Variants in STK31 observed in about 807,000 individuals in gnomAD.
STK31 encodes serine/threonine kinase 31, also known as serine/threonine-protein kinase 31.
A neutral mutation model predicts 129.7 loss-of-function variants in STK31; 89 were observed. That is an observed-to-expected ratio of 0.69 (90% confidence interval 0.58 to 0.82). The LOEUF is 0.82. Among genes scored for constraint, STK31 ranks in the 40% least tolerant of loss-of-function variants. The probability of loss-of-function intolerance (pLI) is 0.00; values close to 1 mark genes in which losing one functional copy is unlikely to be tolerated. For missense variants in STK31, 1,187 were observed against 1,176.4 expected (o/e 1.01, Z -0.13); for synonymous variants, 448 against 395.3 (o/e 1.13, Z -1.58).
rs540162320 is a variant in STK31, at chr7:23,762,630, A to G, written c.1294-171A>G. On this transcript the variant is annotated intron_variant, in intron 10 of 23. Coordinates refer to ENST00000355870, the MANE Select transcript of STK31 (RefSeq NM_031414.5). ...AACTTAAATGTTTTATTTTTAATTA[A>G]GAGAAAGGAAGTTTTTTTGTCATTT... 2.3e-3 allele frequency among the ~76,000 whole-genome samples: 353 copies of G among 152,338 alleles called. 2 individuals are homozygous for G. Among genetic ancestry groups the G allele is most frequent in the African/African-American group, 8.2e-3 (341 of 41,578 alleles).
chr7:23,817,977 A>C (rs78603705), intron 23 of STK31, among the ~76,000 whole-genome samples: 10 of 151,308 alleles, frequency 6.6e-5, no homozygotes, highest in Admixed American at 1.3e-4. Context: ...CTTACTTTCT[A>C]ATCTTTATTA....
chr7:23,760,597 AAACAGG>A (rs1403031579), intron 10 of STK31, among the ~76,000 whole-genome samples: 1 of 152,194 alleles, frequency 6.6e-6, no homozygotes, highest in Non-Finnish European at 1.5e-5. Context: ...ATAAGTGAGG[AAACAGG>A]CTTACAAGGG....
At chr7:23,738,583 A>T (rs1787860187) in intron 8 of STK31, among the ~76,000 whole-genome samples, 2 of 150,472 alleles carry the variant, frequency 1.3e-5, no homozygotes, top group South Asian at 2.1e-4. Flanking sequence ...TTTTTTTTTT[A>T]AACTCAAACT....
intron 23 of STK31, among the ~76,000 whole-genome samples, chr7:23,822,411 A>G (rs1489721784): frequency 6.6e-6 from 1 of 151,936 alleles, no homozygotes; most frequent in East Asian, 1.9e-4. Context: ...AAATGGGATT[A>G]CTTTCTTGAT....
In STK31 at chr7:23,772,283, G is replaced by A. The variant is rs536658991; in HGVS notation, c.1965+5G>A. The A allele has an allele frequency of 1.1e-5, 17 of 1,599,096 alleles. No individual in the cohort carries two copies. The African/African-American group carries it at 2.0e-4, about 19-fold the overall frequency. ...GAAAAGAGTAATTTGGAAGAGGTAA[G>A]GAAACAGTTGTTTCTTACTGATCTT... On this transcript the variant is annotated splice_donor_5th_base_variant and intron_variant, in intron 15 of 23. Coordinates refer to ENST00000355870, the MANE Select transcript of STK31 (RefSeq NM_031414.5).
intron 11 of STK31, among the ~76,000 whole-genome samples, chr7:23,764,801 T>C (rs552353820): frequency 6.6e-6 from 1 of 152,244 alleles, no homozygotes; most frequent in South Asian, 2.1e-4. Flanking sequence ...TTCATGATTG[T>C]AATGTATTTA....
intron 22 of STK31, among the ~76,000 whole-genome samples, chr7:23,809,542 A>G (rs1026774755): frequency 5.9e-5 from 9 of 152,158 alleles, no homozygotes; most frequent in African/African-American, 1.9e-4. Flanking sequence ...AATCTGCGCA[A>G]AGTCCCACTG....
Position 23,771,035 on chromosome 7 carries a change from T to C in STK31, c.1744T>C (p.Ser582Pro). The C allele has an allele frequency of 1.2e-6, 2 of 1,612,288 alleles. No individual in the cohort carries two copies. Among genetic ancestry groups the C allele is most frequent in the Admixed American group, 1.7e-5 (1 of 59,772 alleles). The change falls in exon 14 of 24, where the codon TCA becomes CCA. Residue 582 changes from serine to proline, a missense_variant. Physicochemically the swap from Ser to Pro is moderately conservative, Grantham distance 74. Around this residue, in one of 5 missense-constraint regions of STK31, gnomAD observed 975 missense variants for 934.9 expected, o/e 1.04. Transcript: ENST00000355870. ...AGGTGATGCAGACAAGGAGATAATT[T>C]CAAATACATATAGTCAAGTACTGCA... The part of the protein sequence containing the change: ...DQGDADKEII[S>P]NTYSQVLQKI...
At chr7:23,714,086 AC>A (rs936225691) in intron 3 of STK31, among the ~76,000 whole-genome samples, 1 of 152,112 alleles carries the variant, frequency 6.6e-6, no homozygotes, top group African/African-American at 2.4e-5. Flanking sequence ...TTATAATCTT[AC>A]GGGACTACTG....
intron 23 of STK31, among the ~76,000 whole-genome samples, chr7:23,817,198 AAATAAT>A (rs1562629311): frequency 6.6e-6 from 1 of 151,300 alleles, no homozygotes; most frequent in African/African-American, 2.4e-5. Context: ...AAAAAAAAAA[AAATAAT>A]AATAATAATC....
Position 23,737,006 on chromosome 7 carries a change from A to G in STK31, c.945A>G (p.Thr315=). ...TTGAAGAAAATGAAAAACTTAAAAC[A>G]GAGAAGGACGCTCTTCTTGAAAGTT... ...KLIEENEKLK[T]EKDALLESYK... Residue 315 remains threonine (T), a synonymous_variant, in exon 8 of 24, where the codon ACA becomes ACG. Transcript: ENST00000355870. The G allele has an allele frequency of 6.2e-7, 1 of 1,613,538 alleles. No homozygotes were observed. Among genetic ancestry groups the G allele is most frequent in the Non-Finnish European group, 8.5e-7 (1 of 1,179,880 alleles).
intron 1 of STK31, chr7:23,710,699 A>T (rs1218662839): frequency 1.8e-6 from 2 of 1,105,358 alleles, no homozygotes; most frequent in Non-Finnish European, 2.2e-6. Context: ...CACGAAGTGG[A>T]GATTTGGACG....
chr7:23,790,053 G>GCTGC (rs1398786700), intron 21 of STK31, among the ~76,000 whole-genome samples: 2 of 152,154 alleles, frequency 1.3e-5, no homozygotes, highest in Non-Finnish European at 2.9e-5. Flanking sequence ...CATTTCTGCA[G>GCTGC]TGGATCATCT....
intron 21 of STK31, among the ~76,000 whole-genome samples, chr7:23,788,481 C>A (rs927535254): frequency 1.3e-5 from 2 of 152,262 alleles, no homozygotes; most frequent in East Asian, 3.9e-4. Context: ...TCTATAGATA[C>A]AATTTACATA....
At chr7:23,730,869 TATATATATA>T (rs1426688017) in intron 6 of STK31, among the ~76,000 whole-genome samples, 3 of 49,006 alleles carry the variant, frequency 6.1e-5, no homozygotes, top group East Asian at 1.3e-3. Context: ...TATATATATA[TATATATATA>T]TTTTTTTTTT....
rs764671026 is a variant in STK31, at chr7:23,785,552, C to T, written c.2223C>T (p.Ser741=). The T allele has an allele frequency of 6.2e-7, 1 of 1,613,988 alleles. No individual in the cohort carries two copies. The highest frequency in any genetic ancestry group is 8.5e-7 in the Non-Finnish European group (1 of 1,179,902). ...LDAEPMKELS[S]KRPLVRSEVN... ...CTGAGCCCATGAAGGAACTTAGCAGCAAGCGTCCTTTGGTACGTTCTGAGG... is the reference window on the plus strand; with the variant it reads ...CTGAGCCCATGAAGGAACTTAGCAGTAAGCGTCCTTTGGTACGTTCTGAGG... Residue 741 remains serine (S), a synonymous_variant, in exon 18 of 24, where the codon AGC becomes AGT. Transcript: ENST00000355870.
At chr7:23,754,554 A>G in intron 10 of STK31, 80 bp downstream of exon 10, 2 of 1,445,228 alleles carry the variant, frequency 1.4e-6, no homozygotes, top group Middle Eastern at 1.8e-4. Flanking sequence ...TCTAAAAAAA[A>G]TAACAGGATA....
chr7:23,737,055 G>C lies in STK31; in HGVS notation c.994G>C (p.Glu332Gln). Residue 332 changes from glutamate (E) to glutamine (Q), a missense_variant, in exon 8 of 24, where the codon GAG becomes CAG. Around this residue, in one of 5 missense-constraint regions of STK31, gnomAD observed 975 missense variants for 934.9 expected, o/e 1.04. Coordinates refer to ENST00000355870, the MANE Select transcript of STK31 (RefSeq NM_031414.5). ...ESYKALELKV[E>Q]QIAQELQQEK... Reference sequence around the variant, plus strand: ...TTATAAGGCGTTAGAATTGAAAGTAGAGCAGATTGCCCAGGAGCTGCAGGT... The same window carrying C: ...TTATAAGGCGTTAGAATTGAAAGTACAGCAGATTGCCCAGGAGCTGCAGGT... 2 of 1,608,664 alleles carry C rather than the reference G, an allele frequency of 1.2e-6. No individual in the cohort carries two copies. The highest frequency in any genetic ancestry group is 1.7e-6 in the Non-Finnish European group (2 of 1,179,110).
In STK31 at chr7:23,721,811, C is replaced by A. The variant is rs530996184; in HGVS notation, c.249+4232C>A. 9 of 576,496 alleles carry A rather than the reference C, an allele frequency of 1.6e-5. No individual in the cohort carries two copies. In the South Asian group the frequency reaches 1.6e-4, roughly 10 times the overall value. 35.7% of individuals were successfully genotyped at this position (576,496 alleles called of 1,614,324 possible). A position where few individuals can be genotyped will look rare whatever the true frequency, so the allele number is the denominator to read the frequency against. ...TTAACTGATCCTCTACAGGCATGAT[C>A]CTCTACATTCATTTGATCTTCAATC... On this transcript the variant is annotated intron_variant, in intron 4 of 23. Coordinates refer to ENST00000355870, the MANE Select transcript of STK31 (RefSeq NM_031414.5).
Sources: allele counts gnomAD v4.1 joint callset (sites outside exome capture counted in the v4.1 genomes callset), GRCh38; gene constraint gnomAD v4.1.1; regional missense constraint gnomAD v4.1.1; transcripts MANE v1.5; gene names NCBI Gene and HGNC (gene_info 2026-07-23, HGNC 2026-07-21).